Variants in TDRP observed in about 807,000 individuals in gnomAD.
TDRP encodes the protein testis development-related protein.
In TDRP, 12 loss-of-function variants were observed where a neutral mutation model predicts 10.5. The ratio of observed to expected loss-of-function variants is 1.15; its 90% CI spans 0.73 to 1.86. TDRP has a LOEUF of 1.86. Ranked by LOEUF, TDRP falls within the 40% of genes most tolerant of loss-of-function variation. The pLI is 0.00. For missense variants in TDRP, 353 were observed against 229.2 expected, an observed-to-expected ratio of 1.54 and a Z score of -3.49; for synonymous variants, 139 against 95.4, an observed-to-expected ratio of 1.46 and a Z score of -2.67.
In TDRP at chr8:492,313, C is replaced by A; in HGVS notation, c.*86G>T. On this transcript the variant is annotated 3_prime_UTR_variant, in exon 3 of 3. Transcript: ENST00000324079. ...ATAGGCAAAAAGTAGACTCTCTATT[C>A]TTTCTAACGCGGAAAAGACTCAACA... 1 of 1,379,706 alleles carries A rather than the reference C, an allele frequency of 7.2e-7. No individual in the cohort carries two copies. 85.5% of individuals were successfully genotyped at this position (1,379,706 alleles called of 1,614,324 possible). A position where few individuals can be genotyped will look rare whatever the true frequency, so the allele number is the denominator to read the frequency against.
Position 544,782 on chromosome 8 carries a change from C to A in TDRP, c.-25G>T, listed in dbSNP as rs896574857. On this transcript the variant is annotated 5_prime_UTR_variant, in exon 1 of 3. Coordinates refer to ENST00000324079, the MANE Select transcript of TDRP (RefSeq NM_001384899.1). ...TGGTCAGGCGGGCTCCGGCGTCCCT[C>A]CGTCCGTGCGTCGGGCTGTGGCTCC... The A allele has an allele frequency of 8.2e-6, 10 of 1,226,150 alleles. No homozygotes were observed. The highest frequency in any genetic ancestry group is 9.2e-6 in the Non-Finnish European group (9 of 981,736). The allele number at this position is 1,226,150 out of a possible 1,614,324, so 76.0% of individuals were successfully genotyped here. A position where few individuals can be genotyped will look rare whatever the true frequency, so the allele number is the denominator to read the frequency against.
intron 1 of TDRP, among the ~76,000 whole-genome samples, chr8:496,624 G>C (rs75147377): frequency 0.014 from 2,072 of 152,172 alleles, 34 homozygotes; most frequent in African/African-American, 0.048. Context: ...ACCCCTCCAT[G>C]GACTGCCCAC....
chr8:531,442 A>G (rs1246887957), intron 1 of TDRP, among the ~76,000 whole-genome samples: 1 of 152,180 alleles, frequency 6.6e-6, no homozygotes, highest in Admixed American at 6.5e-5. Flanking sequence ...TCTTGCGGGA[A>G]TGACTCCTTA....
intron 1 of TDRP, among the ~76,000 whole-genome samples, chr8:516,632 C>G (rs1041463972): frequency 2.0e-5 from 3 of 152,146 alleles, no homozygotes; most frequent in Non-Finnish European, 4.4e-5. Flanking sequence ...CATGGAGCAG[C>G]AGGAACTCTC....
chr8:502,449 G>A (rs957012166), intron 1 of TDRP, among the ~76,000 whole-genome samples: 26 of 152,340 alleles, frequency 1.7e-4, no homozygotes, highest in South Asian at 1.2e-3. Flanking sequence ...CGGCCATAGC[G>A]AGACCAGGCT....
Position 491,689 on chromosome 8 carries a change from G to A in TDRP, c.*710C>T, listed in dbSNP as rs902791516. 2.7e-6 allele frequency: 4 copies of A among 1,495,806 alleles called. No individual in the cohort carries two copies. The African/African-American group carries it at 4.3e-5, about 16-fold the overall frequency. The allele number at this position is 1,495,806 out of a possible 1,614,324, so 92.7% of individuals were successfully genotyped here. A position where few individuals can be genotyped will look rare whatever the true frequency, so the allele number is the denominator to read the frequency against. On this transcript the variant is annotated 3_prime_UTR_variant, in exon 3 of 3. Coordinates refer to ENST00000324079, the MANE Select transcript of TDRP (RefSeq NM_001384899.1). ...CTTTAATCTGTAAACAAAAAAGAGA[G>A]CAAATGTTTTAAGAAAATAAAGGGA...
intron 1 of TDRP, among the ~76,000 whole-genome samples, chr8:511,125 C>T (rs1161135867): frequency 1.3e-5 from 2 of 152,002 alleles, no homozygotes; most frequent in Non-Finnish European, 2.9e-5. Context: ...AGATGTAAAC[C>T]CAACCCTACT....
rs1345968923 is a variant in TDRP at position 544,653 on chromosome 8, C to T, written c.105G>A (p.Ala35=). 6.5e-6 allele frequency: 8 copies of T among 1,225,496 alleles called. No homozygotes were observed. The highest frequency in any genetic ancestry group is 8.1e-6 in the Non-Finnish European group (8 of 983,258). 75.9% of individuals were successfully genotyped at this position (1,225,496 alleles called of 1,614,324 possible). ...PPPAAAAAAQ[A]QVQGASFRGW... The stretch of plus-strand genomic sequence containing the variant: ...CCCCACCTGCGCACCCCCTCACCTG[C>T]GCCTGGGCGGCGGCGGCGGCGGCCG... Residue 35 remains alanine, a synonymous_variant, in exon 1 of 3, where the codon GCG becomes GCA. Coordinates refer to ENST00000324079, the MANE Select transcript of TDRP (RefSeq NM_001384899.1).
In TDRP at chr8:492,715, T is replaced by C; in HGVS notation, c.242A>G (p.Lys81Arg). Residue 81 changes from lysine to arginine, a missense_variant, in exon 3 of 3, where the codon AAG becomes AGG. Lys to Arg is a conservative substitution (Grantham distance 26). Transcript: ENST00000324079. Reference protein sequence around the residue: ...GTNLRLKEELKAEKKSGFWDN... With the variant: ...GTNLRLKEELRAEKKSGFWDN... ...CCAAAATCCAGATTTCTTCTCTGCCTTCAACTCTTCTTTTAATCGTAAGTT... is the reference window on the plus strand; with the variant it reads ...CCAAAATCCAGATTTCTTCTCTGCCCTCAACTCTTCTTTTAATCGTAAGTT... The C allele has an allele frequency of 4.3e-6, 7 of 1,612,756 alleles. No individual in the cohort carries two copies. Among genetic ancestry groups the C allele is most frequent in the Non-Finnish European group, 5.9e-6 (7 of 1,179,244 alleles).
At chr8:509,086 AC>A (rs1801541764) in intron 1 of TDRP, among the ~76,000 whole-genome samples, 1 of 152,146 alleles carries the variant, frequency 6.6e-6, no homozygotes, top group Non-Finnish European at 1.5e-5. Context: ...ATGGGCTCCT[AC>A]CACCTTGGGC....
At chr8:496,359 T>G (rs17738513) in intron 1 of TDRP, among the ~76,000 whole-genome samples, 10,691 of 152,234 alleles carry the variant, frequency 0.07, 448 homozygotes, top group Middle Eastern at 0.11. Context: ...GGCTAACCCA[T>G]CTGGACTCTG....
chr8:543,808 C>A (rs1167922926), intron 1 of TDRP, among the ~76,000 whole-genome samples: 1 of 152,028 alleles, frequency 6.6e-6, no homozygotes, highest in Non-Finnish European at 1.5e-5. Context: ...TCGGCCTTAA[C>A]AGCATCAGGA....
At chr8:493,964 T>C (rs1801054788) in intron 2 of TDRP, among the ~76,000 whole-genome samples, 1 of 151,550 alleles carries the variant, frequency 6.6e-6, no homozygotes. Flanking sequence ...TTCTTTTTTT[T>C]TCATCGAACA....
intron 1 of TDRP, among the ~76,000 whole-genome samples, chr8:540,055 G>A (rs1289443789): frequency 1.3e-5 from 2 of 152,160 alleles, no homozygotes; most frequent in Non-Finnish European, 2.9e-5. Context: ...CAGTTTAGAG[G>A]CAACTGATGA....
At chr8:515,483 G>GAAAATCC (rs1801732979) in intron 1 of TDRP, among the ~76,000 whole-genome samples, 1 of 152,138 alleles carries the variant, frequency 6.6e-6, no homozygotes, top group Admixed American at 6.5e-5. Context: ...TCCCTAAACT[G>GAAAATCC]AAAATCCAAA....
At chr8:512,239 C>A (rs965878703) in intron 1 of TDRP, among the ~76,000 whole-genome samples, 2 of 151,094 alleles carry the variant, frequency 1.3e-5, no homozygotes, top group African/African-American at 4.9e-5. Flanking sequence ...CTGGCCAACA[C>A]AGTGAAACCC....
At position 491,699 on chromosome 8, in the gene TDRP, T is replaced by A. The variant is rs1047158097; in HGVS notation, c.*700A>T. 15 of 1,493,080 alleles carry A rather than the reference T, an allele frequency of 1.0e-5. No individual in the cohort carries two copies. The South Asian group carries it at 1.6e-4, about 16-fold the overall frequency. 92.5% of individuals were successfully genotyped at this position (1,493,080 alleles called of 1,614,324 possible). A position where few individuals can be genotyped will look rare whatever the true frequency, so the allele number is the denominator to read the frequency against. On this transcript the variant is annotated 3_prime_UTR_variant, in exon 3 of 3. Coordinates refer to ENST00000324079, the MANE Select transcript of TDRP (RefSeq NM_001384899.1). The stretch of plus-strand genomic sequence containing the variant: ...TAAACAAAAAAGAGAGCAAATGTTT[T>A]AAGAAAATAAAGGGACCGATTTAGA...
At chr8:517,981 C>A (rs1174201861) in intron 1 of TDRP, among the ~76,000 whole-genome samples, 2 of 152,146 alleles carry the variant, frequency 1.3e-5, no homozygotes, top group African/African-American at 2.4e-5. Context: ...AGGTGGAGCA[C>A]AGTGGAATTT....
chr8:542,543 C>G (rs982032900), intron 1 of TDRP, among the ~76,000 whole-genome samples: 1 of 151,938 alleles, frequency 6.6e-6, no homozygotes, highest in Non-Finnish European at 1.5e-5. Flanking sequence ...AAAGTTTTTT[C>G]CCCCCAAAAC....
Sources: allele counts gnomAD v4.1 joint callset (sites outside exome capture counted in the v4.1 genomes callset), GRCh38; gene constraint gnomAD v4.1.1; transcripts MANE v1.5; gene names NCBI Gene and HGNC (gene_info 2026-07-23, HGNC 2026-07-21).